Variants in GATAD1 observed in about 807,000 individuals in gnomAD.
GATAD1 encodes the protein GATA zinc finger domain-containing protein 1.
A neutral mutation model predicts 26.5 loss-of-function variants in GATAD1; 12 were observed. That is an observed-to-expected ratio of 0.45 (90% confidence interval 0.29 to 0.73). The LOEUF (loss-of-function observed/expected upper bound fraction) is 0.73. Among genes scored for constraint, GATAD1 ranks in the 30% least tolerant of loss-of-function variants. The pLI is 0.10. For missense variants in GATAD1, 266 were observed against 342.1 expected (o/e 0.78, Z 1.75); for synonymous variants, 129 against 133.1 (o/e 0.97, Z 0.21).
chr7:92,451,389 C>T (rs977295131), intron 3 of GATAD1, among the ~76,000 whole-genome samples: 1 of 152,194 alleles, frequency 6.6e-6, no homozygotes, highest in Middle Eastern at 3.2e-3. Flanking sequence ...GGAATTAGAA[C>T]ATAGACCCCC....
At chr7:92,470,169 G>A in the GATAD1 span, 1 of 778,822 alleles carries the variant, frequency 1.3e-6, no homozygotes, top group African/African-American at 1.7e-5. Flanking sequence ...AGTGATAGCA[G>A]TTGCGGGGCA....
At chr7:92,469,737 G>A in the GATAD1 span, 2 of 764,132 alleles carry the variant, frequency 2.6e-6, no homozygotes, top group Middle Eastern at 3.6e-4. Context: ...AAACGGAAGT[G>A]GTGTTTATTT....
chr7:92,473,423 G>A, the GATAD1 span, among the ~76,000 whole-genome samples: 5 of 152,152 alleles, frequency 3.3e-5, no homozygotes, highest in African/African-American at 9.6e-5. Context: ...GGTAGGGAAA[G>A]GAGGTGGAAT....
At chr7:92,453,677 C>T (rs1789534826) in intron 3 of GATAD1, among the ~76,000 whole-genome samples, 1 of 152,122 alleles carries the variant, frequency 6.6e-6, no homozygotes, top group Non-Finnish European at 1.5e-5. Flanking sequence ...GGTTTGAATT[C>T]ATGGTATCTA....
chr7:92,491,636 C>A, the GATAD1 span: 1 of 644,120 alleles, frequency 1.6e-6, no homozygotes, highest in Non-Finnish European at 2.7e-6. Context: ...CTCATTAATT[C>A]TCTAACGGTT....
chr7:92,464,382 C>G (rs1210864453), downstream of GATAD1, among the ~76,000 whole-genome samples: 1 of 152,122 alleles, frequency 6.6e-6, no homozygotes, highest in Non-Finnish European at 1.5e-5. Context: ...TGATTTCTGT[C>G]TCCTAATTTA....
At chr7:92,475,857 G>C in the GATAD1 span, among the ~76,000 whole-genome samples, 6,249 of 152,274 alleles carry the variant, frequency 0.041, 160 homozygotes, top group African/African-American at 0.055. Context: ...ATTACAGAGA[G>C]GGTGTAGCTA....
chr7:92,473,469 G>C, the GATAD1 span, among the ~76,000 whole-genome samples: 2 of 151,920 alleles, frequency 1.3e-5, no homozygotes, highest in African/African-American at 4.8e-5. Context: ...GGCATTCTTT[G>C]CTCGTCCATA....
At chr7:92,469,587 G>C in the GATAD1 span, 3 of 764,720 alleles carry the variant, frequency 3.9e-6, no homozygotes, top group Non-Finnish European at 7.2e-6. Flanking sequence ...ATATTCCTGA[G>C]GGTAGGCAGA....
chr7:92,483,134 C>A, the GATAD1 span, among the ~76,000 whole-genome samples: 1 of 152,098 alleles, frequency 6.6e-6, no homozygotes, highest in African/African-American at 2.4e-5. Flanking sequence ...GGATTGGCTG[C>A]CGGGTGAGTT....
the GATAD1 span, among the ~76,000 whole-genome samples, chr7:92,481,226 T>C: frequency 6.6e-6 from 1 of 152,090 alleles, no homozygotes; most frequent in East Asian, 1.9e-4. Flanking sequence ...GAATGTCAGG[T>C]AGATCAGAGA....
downstream of GATAD1, among the ~76,000 whole-genome samples, chr7:92,460,738 A>C (rs1208504776): frequency 6.9e-6 from 1 of 145,936 alleles, no homozygotes; most frequent in Non-Finnish European, 1.5e-5. Context: ...TGATTGTGCC[A>C]CCACTCCAGC....
At chr7:92,478,140 T>A in the GATAD1 span, among the ~76,000 whole-genome samples, 2 of 152,194 alleles carry the variant, frequency 1.3e-5, no homozygotes, top group Non-Finnish European at 2.9e-5. Flanking sequence ...CCTTCCCAGC[T>A]AGGCTTAGGG....
chr7:92,476,129 A>C, the GATAD1 span, among the ~76,000 whole-genome samples: 1 of 152,204 alleles, frequency 6.6e-6, no homozygotes, highest in African/African-American at 2.4e-5. Context: ...TTAAGATTTA[A>C]ATCCCGTTAG....
At chr7:92,484,620 G>A in the GATAD1 span, among the ~76,000 whole-genome samples, 21 of 152,332 alleles carry the variant, frequency 1.4e-4, no homozygotes, top group African/African-American at 4.6e-4. Flanking sequence ...TGGAAGGACA[G>A]GGAGATTGAA....
chr7:92,482,949 G>T, the GATAD1 span, among the ~76,000 whole-genome samples: 1 of 152,140 alleles, frequency 6.6e-6, no homozygotes, highest in African/African-American at 2.4e-5. Context: ...CCCCTGTATC[G>T]ATTAAACAGG....
chr7:92,487,485 C>G, the GATAD1 span: 2 of 1,593,732 alleles, frequency 1.3e-6, no homozygotes, highest in East Asian at 4.5e-5. Flanking sequence ...CTGTCCAGGT[C>G]GAAACATTGT....
the GATAD1 span, among the ~76,000 whole-genome samples, chr7:92,483,494 G>A: frequency 2.0e-5 from 3 of 152,236 alleles, no homozygotes; most frequent in East Asian, 5.8e-4. Context: ...TTTATTTAAT[G>A]TTGGGAGCGG....
the GATAD1 span, chr7:92,469,415 A>T: frequency 1.3e-6 from 1 of 771,840 alleles, no homozygotes; most frequent in Non-Finnish European, 2.4e-6. Flanking sequence ...CCTATAACAA[A>T]AGGAAGAATG....
Sources: allele counts gnomAD v4.1 joint callset (sites outside exome capture counted in the v4.1 genomes callset), GRCh38; gene constraint gnomAD v4.1.1; transcripts MANE v1.5; gene names NCBI Gene and HGNC (gene_info 2026-07-23, HGNC 2026-07-21).